NOL4: variants seen among roughly 807,000 people sequenced by gnomAD.
NOL4 encodes the protein cancer/testis antigen 125.
NOL4 carries 17 observed loss-of-function variants against 75.9 expected under a neutral mutation model. The ratio of observed to expected loss-of-function variants is 0.22; its 90% confidence interval spans 0.15 to 0.34. The LOEUF is 0.34. NOL4 is among the 10% of genes least tolerant of loss of function. The pLI is 1.00. For synonymous variants in NOL4, 292 were observed against 289.9 expected (o/e 1.01, Z -0.07); for missense variants, 614 against 793.5 (o/e 0.77, Z 2.72).
chr18:33,892,652 T>TCTC (rs1337150838), intron 9 of NOL4, among the ~76,000 whole-genome samples: 2 of 150,220 alleles, frequency 1.3e-5, no homozygotes, highest in African/African-American at 2.4e-5. Context: ...TCCTTCTCCT[T>TCTC]CTTCTTCTTT....
At chr18:34,025,226 A>G (rs1354124622) in intron 5 of NOL4, among the ~76,000 whole-genome samples, 1 of 152,190 alleles carries the variant, frequency 6.6e-6, no homozygotes, top group Non-Finnish European at 1.5e-5. Context: ...AAGACTCATG[A>G]AAGGATATGA....
At chr18:33,901,021 A>C in intron 9 of NOL4, among the ~76,000 whole-genome samples, 1 of 152,194 alleles carries the variant, frequency 6.6e-6, no homozygotes, top group East Asian at 1.9e-4. Flanking sequence ...ATGCTTTGCA[A>C]GTTCATGTGA....
At chr18:34,047,528 G>T (rs144866824) in intron 5 of NOL4, among the ~76,000 whole-genome samples, 148 of 151,992 alleles carry the variant, frequency 9.7e-4, no homozygotes, top group Non-Finnish European at 1.8e-3. Context: ...AAACACAAGG[G>T]TTATATATTA....
intron 5 of NOL4, among the ~76,000 whole-genome samples, chr18:34,055,448 T>C (rs2076796605): frequency 6.6e-6 from 1 of 152,158 alleles, no homozygotes; most frequent in Non-Finnish European, 1.5e-5. Context: ...CTTTGGCCTA[T>C]AAGGTTTTTG....
chr18:34,036,801 G>A (rs1289564798), intron 5 of NOL4, among the ~76,000 whole-genome samples: 3 of 152,144 alleles, frequency 2.0e-5, no homozygotes, highest in Non-Finnish European at 4.4e-5. Flanking sequence ...GCAAACACCT[G>A]TAATCCCAGC....
chr18:34,006,214 T>C (rs1263939928), intron 6 of NOL4, among the ~76,000 whole-genome samples: 1 of 152,086 alleles, frequency 6.6e-6, no homozygotes, highest in Non-Finnish European at 1.5e-5. Flanking sequence ...CTAAATTTAT[T>C]AAATTATTTC....
chr18:33,951,985 T>C (rs1452198458), intron 8 of NOL4, among the ~76,000 whole-genome samples: 1 of 152,246 alleles, frequency 6.6e-6, no homozygotes, highest in African/African-American at 2.4e-5. Context: ...ACTTTTTCTA[T>C]CTTTCTAAGT....
At chr18:34,087,987 T>C (rs1215106856) in intron 5 of NOL4, among the ~76,000 whole-genome samples, 4 of 151,966 alleles carry the variant, frequency 2.6e-5, no homozygotes, top group African/African-American at 4.8e-5. Context: ...CTTTTATTCC[T>C]ATTATCTTTT....
intron 1 of NOL4, among the ~76,000 whole-genome samples, chr18:34,159,042 T>C (rs1262810423): frequency 1.3e-5 from 2 of 152,192 alleles, no homozygotes; most frequent in African/African-American, 4.8e-5. Flanking sequence ...CTGGAAGAGA[T>C]GCTGGGGCAA....
chr18:34,137,805 C>CACACACAT (rs2080959123), intron 1 of NOL4, among the ~76,000 whole-genome samples: 1 of 151,822 alleles, frequency 6.6e-6, no homozygotes, highest in Non-Finnish European at 1.5e-5. Context: ...CACACACACA[C>CACACACAT]ACACGCACGC....
At chr18:34,083,128 A>G (rs2078086786) in intron 5 of NOL4, among the ~76,000 whole-genome samples, 1 of 152,180 alleles carries the variant, frequency 6.6e-6, no homozygotes, top group Non-Finnish European at 1.5e-5. Context: ...ACCCATACAT[A>G]TATACACATG....
rs74354266 is a variant in NOL4, at chr18:33,968,142, C to T, written c.1057-9724G>A. On this transcript the variant is annotated intron_variant, in intron 6 of 10. Transcript: ENST00000261592. ...AAAATAAAAAAATAGCGGATTCTGA[C>T]GAGACAGTAGAGAAAAAAGAATGCT... Among the ~76,000 whole-genome samples the T allele has an allele frequency of 4.6e-4, 70 of 151,664 alleles. No homozygotes were observed. In the South Asian group the frequency reaches 0.011, roughly 25 times the overall value.
intron 2 of NOL4, among the ~76,000 whole-genome samples, chr18:34,108,169 G>A (rs2079403193): frequency 1.3e-5 from 2 of 152,110 alleles, no homozygotes; most frequent in Non-Finnish European, 2.9e-5. Context: ...TTATGTAAGT[G>A]CTATGGTAAC....
At chr18:34,144,682 T>G (rs934878738) in intron 1 of NOL4, among the ~76,000 whole-genome samples, 2 of 152,156 alleles carry the variant, frequency 1.3e-5, no homozygotes, top group Non-Finnish European at 1.5e-5. Context: ...TAACTTTACG[T>G]TTTCTCACTA....
chr18:34,180,962 G>T (rs2033986555), intron 1 of NOL4, among the ~76,000 whole-genome samples: 1 of 151,390 alleles, frequency 6.6e-6, no homozygotes, highest in African/African-American at 2.4e-5. Context: ...ATTATAGGTT[G>T]TAAGACAATA....
chr18:34,028,194 A>G (rs929361735), intron 5 of NOL4, among the ~76,000 whole-genome samples: 16 of 152,174 alleles, frequency 1.1e-4, no homozygotes, highest in African/African-American at 3.1e-4. Context: ...CACCAATGTC[A>G]CATAAGCATG....
chr18:34,154,545 A>G (rs2029982594), intron 1 of NOL4, among the ~76,000 whole-genome samples: 2 of 152,076 alleles, frequency 1.3e-5, no homozygotes, highest in Admixed American at 1.3e-4. Context: ...AGTATTGCAT[A>G]GTAAAATATG....
At chr18:34,184,615 T>C (rs2034314267) in intron 1 of NOL4, among the ~76,000 whole-genome samples, 1 of 151,936 alleles carries the variant, frequency 6.6e-6, no homozygotes, top group Non-Finnish European at 1.5e-5. Context: ...AGCGACAGAG[T>C]GAACAGCAAG....
chr18:34,012,112 A>G (rs1286886933), intron 6 of NOL4, among the ~76,000 whole-genome samples: 2 of 152,066 alleles, frequency 1.3e-5, no homozygotes, highest in South Asian at 2.1e-4. Context: ...CTGCAATAAC[A>G]TATAGAGAAT....
Sources: gnomAD v4.1 joint callset for allele counts (sites outside exome capture counted in the v4.1 genomes callset) on GRCh38, gnomAD v4.1.1 for gene constraint, MANE v1.5 for transcripts, NCBI Gene and HGNC (gene_info 2026-07-23, HGNC 2026-07-21) for gene names.